Variants in LIN52 observed in about 807,000 individuals in gnomAD.
LIN52 encodes protein lin-52 homolog.
Under a neutral mutation model 18.5 loss-of-function variants are expected in LIN52, and 4 were observed. The observed-to-expected ratio is 0.22, with a 90% CI of 0.11 to 0.49. LIN52 has a LOEUF of 0.49. LIN52 is among the 20% of genes least tolerant of loss of function. The pLI, the probability that LIN52 is intolerant of heterozygous loss-of-function variation, is 0.97. For synonymous variants in LIN52, 34 were observed against 45.5 expected, an observed-to-expected ratio of 0.75 and a Z score of 1.02; for missense variants, 102 against 139.5, an observed-to-expected ratio of 0.73 and a Z score of 1.35.
chr14:74,119,141 T>G (rs2060981853), intron 5 of LIN52, among the ~76,000 whole-genome samples: 1 of 151,236 alleles, frequency 6.6e-6, no homozygotes, highest in South Asian at 2.1e-4. Context: ...TATCTTTTTT[T>G]GGTACATGGA....
At chr14:74,105,595 C>A (rs1350077586) in intron 5 of LIN52, among the ~76,000 whole-genome samples, 1 of 145,998 alleles carries the variant, frequency 6.8e-6, no homozygotes, top group East Asian at 2.0e-4. Context: ...TTTTTTTGTC[C>A]TTACAGATTA....
rs148957517 is a variant in LIN52 at position 74,152,124 on chromosome 14, A to G, written c.284-46798A>G. The stretch of plus-strand genomic sequence containing the variant: ...TTAAAAATACAAAAATTAGCCTGAC[A>G]TGATGGTGCATGCCTGTAATCCCAG... On this transcript the variant is annotated intron_variant, in intron 5 of 5. Coordinates refer to ENST00000555028, the MANE Select transcript of LIN52 (RefSeq NM_001024674.3). 9.2e-5 allele frequency among the ~76,000 whole-genome samples: 14 copies of G among 152,094 alleles called. No individual in the cohort carries two copies. The East Asian group carries it at 2.7e-3, about 29-fold the overall frequency.
intron 5 of LIN52, among the ~76,000 whole-genome samples, chr14:74,146,353 C>T (rs2061152458): frequency 6.6e-6 from 1 of 151,982 alleles, no homozygotes. Flanking sequence ...TCTTCAGTTT[C>T]CATAAAATGT....
At chr14:74,147,526 G>T (rs549579638) in intron 5 of LIN52, among the ~76,000 whole-genome samples, 1 of 152,146 alleles carries the variant, frequency 6.6e-6, no homozygotes, top group African/African-American at 2.4e-5. Flanking sequence ...GGTGACTTAC[G>T]CCTGAAATCC....
intron 5 of LIN52, among the ~76,000 whole-genome samples, chr14:74,106,564 G>A (rs963253338): frequency 6.6e-6 from 1 of 151,996 alleles, no homozygotes; most frequent in Non-Finnish European, 1.5e-5. Flanking sequence ...GAACCACCAT[G>A]CCTACCCCAG....
At chr14:74,096,393 A>G (rs753859176) in intron 3 of LIN52, among the ~76,000 whole-genome samples, 3 of 151,934 alleles carry the variant, frequency 2.0e-5, no homozygotes, top group Non-Finnish European at 4.4e-5. Context: ...AGGTCTCACT[A>G]TATTTCCCAG....
chr14:74,093,523 A>C (rs982113979), intron 2 of LIN52, among the ~76,000 whole-genome samples: 2 of 150,938 alleles, frequency 1.3e-5, no homozygotes, highest in African/African-American at 2.4e-5. Context: ...AAGAGGCTTC[A>C]CCATGTTGGA....
intron 5 of LIN52, among the ~76,000 whole-genome samples, chr14:74,156,721 T>A (rs1473093187): frequency 6.6e-6 from 1 of 152,226 alleles, no homozygotes; most frequent in Non-Finnish European, 1.5e-5. Flanking sequence ...CACCTTACAG[T>A]TGTAGAGAAC....
At chr14:74,156,500 TTTCA>T (rs1307109051) in intron 5 of LIN52, among the ~76,000 whole-genome samples, 3 of 152,228 alleles carry the variant, frequency 2.0e-5, no homozygotes, top group Non-Finnish European at 4.4e-5. Context: ...TTTTGTTTGC[TTTCA>T]TTGTTTTTAA....
chr14:74,166,087 C>T (rs1222181796), intron 5 of LIN52, among the ~76,000 whole-genome samples: 2 of 151,722 alleles, frequency 1.3e-5, no homozygotes, highest in African/African-American at 4.8e-5. Context: ...GACGGGGTTT[C>T]TCCATGTTGA....
At chr14:74,102,740 A>G (rs1036476829) in intron 5 of LIN52, among the ~76,000 whole-genome samples, 1 of 152,232 alleles carries the variant, frequency 6.6e-6, no homozygotes, top group Non-Finnish European at 1.5e-5. Context: ...TGTTTGTTAT[A>G]TCAAGAAGAT....
chr14:74,191,637 C>T (rs1390424756), intron 5 of LIN52, among the ~76,000 whole-genome samples: 3 of 142,372 alleles, frequency 2.1e-5, no homozygotes, highest in African/African-American at 5.1e-5. Flanking sequence ...TTCTTTCTTT[C>T]TTTTTTTTTT....
In LIN52 at chr14:74,172,095, G is replaced by T. The variant is rs180823703; in HGVS notation, c.284-26827G>T. Among the ~76,000 whole-genome samples, 1,044 of 152,256 alleles carry T rather than the reference G, an allele frequency of 6.9e-3. 11 individuals are homozygous for T. The highest frequency in any genetic ancestry group is 0.024 in the African/African-American group (1,004 of 41,522). On this transcript the variant is annotated intron_variant, in intron 5 of 5. Transcript: ENST00000555028. ...TTCTTGGGAAATTTGTGTCTGTAAT[G>T]TTTGAAACATTGAATGCTGTTTCTT...
intron 5 of LIN52, among the ~76,000 whole-genome samples, chr14:74,128,316 G>C (rs771713362): frequency 2.6e-5 from 4 of 152,060 alleles, no homozygotes; most frequent in Non-Finnish European, 5.9e-5. Context: ...GGAGAGGAGA[G>C]GGCGGCACAG....
intron 5 of LIN52, among the ~76,000 whole-genome samples, chr14:74,126,470 G>A (rs2061030753): frequency 1.3e-5 from 2 of 152,274 alleles, no homozygotes; most frequent in East Asian, 3.9e-4. Flanking sequence ...GAGCCAAAAG[G>A]TAGAAACAAC....
chr14:74,166,582 A>G (rs987911460), intron 5 of LIN52, among the ~76,000 whole-genome samples: 32 of 152,154 alleles, frequency 2.1e-4, no homozygotes, highest in Non-Finnish European at 8.8e-5. Flanking sequence ...GTGTGCCCAA[A>G]AAATCCAAAA....
At chr14:74,117,938 T>A (rs202095413) in intron 5 of LIN52, among the ~76,000 whole-genome samples, 2 of 152,228 alleles carry the variant, frequency 1.3e-5, no homozygotes, top group Non-Finnish European at 2.9e-5. Context: ...AAAAAAAATT[T>A]GAAAAATAAA....
intron 5 of LIN52, among the ~76,000 whole-genome samples, chr14:74,189,425 T>A (rs1477538891): frequency 6.6e-6 from 1 of 152,174 alleles, no homozygotes; most frequent in Non-Finnish European, 1.5e-5. Context: ...GGAAACCAAG[T>A]AAAACTATGA....
In LIN52 at chr14:74,199,520, T is replaced by A. The variant is rs1225380613; in HGVS notation, c.*543T>A. The A allele has an allele frequency of 1.3e-5, 2 of 152,336 alleles. No individual in the cohort carries two copies. Among genetic ancestry groups the A allele is most frequent in the South Asian group, 4.1e-4 (2 of 4,826 alleles). The allele number at this position is 152,336 out of a possible 1,614,324, so 9.4% of individuals were successfully genotyped here. A position where few individuals can be genotyped will look rare whatever the true frequency, so the allele number is the denominator to read the frequency against. On this transcript the variant is annotated 3_prime_UTR_variant, in exon 6 of 6. Transcript: ENST00000555028. ...TCCCCAGCTGAAGAAACCAGAATCTTCTCGAAATGTATATCTGTTTTTTAA... is the reference window on the plus strand; with the variant it reads ...TCCCCAGCTGAAGAAACCAGAATCTACTCGAAATGTATATCTGTTTTTTAA...
Sources: allele counts gnomAD v4.1 joint callset (sites outside exome capture counted in the v4.1 genomes callset), GRCh38; gene constraint gnomAD v4.1.1; transcripts MANE v1.5; gene names NCBI Gene and HGNC (gene_info 2026-07-23, HGNC 2026-07-21).